The following SUSD1 variants were observed in gnomAD, a reference collection of about 807,000 sequenced individuals.
The protein encoded by SUSD1 is sushi domain containing 1, also known as sushi domain-containing protein 1.
SUSD1 carries 65 observed loss-of-function variants against 86.9 expected under a neutral mutation model. That is an observed-to-expected ratio of 0.75 (90% CI 0.61 to 0.92). The LOEUF (loss-of-function observed/expected upper bound fraction) is 0.92. Ranked by LOEUF, SUSD1 falls within the 40% of genes least tolerant of loss-of-function variation. The probability of loss-of-function intolerance (pLI) is 0.00; values close to 1 mark genes in which losing one functional copy is unlikely to be tolerated. For synonymous variants in SUSD1, 346 were observed against 350.0 expected, an observed-to-expected ratio of 0.99 and a Z score of 0.13; for missense variants, 850 against 929.7, an observed-to-expected ratio of 0.91 and a Z score of 1.11.
chr9:112,063,288 G>A (rs1375592216), intron 12 of SUSD1, among the ~76,000 whole-genome samples: 2 of 152,174 alleles, frequency 1.3e-5, no homozygotes, highest in East Asian at 1.9e-4. Flanking sequence ...GTTGCTGGGG[G>A]TGGAGGGGGC....
chr9:112,053,024 T>C (rs976421861), intron 14 of SUSD1, among the ~76,000 whole-genome samples: 32 of 152,196 alleles, frequency 2.1e-4, no homozygotes, highest in African/African-American at 7.2e-4. Context: ...CCTGTCATTA[T>C]GATATGCTTA....
At position 112,041,554 on chromosome 9, in the gene SUSD1, G is replaced by A. The variant is rs368964749; in HGVS notation, c.*-62C>T. 14 of 779,956 alleles carry A rather than the reference G, an allele frequency of 1.8e-5. No homozygotes were observed. The African/African-American group carries it at 2.4e-4, about 13-fold the overall frequency. 48.3% of individuals were successfully genotyped at this position (779,956 alleles called of 1,614,324 possible). ...GAACACACTTTGGTTTTCCCACTGT[G>A]CATCTCTATGCACAGCTCACACGCA... On this transcript the variant is annotated intron_variant, in intron 16 of 16. Transcript: ENST00000374270.
intron 8 of SUSD1, among the ~76,000 whole-genome samples, chr9:112,107,765 A>G (rs1830915233): frequency 6.6e-6 from 1 of 152,248 alleles, no homozygotes; most frequent in South Asian, 2.1e-4. Flanking sequence ...GAAAGAATCT[A>G]TAATAAAGAT....
At chr9:112,112,093 T>C (rs1455502117) in intron 7 of SUSD1, 5 of 363,630 alleles carry the variant, frequency 1.4e-5, no homozygotes, top group Non-Finnish European at 2.5e-5. Flanking sequence ...TGGAGACAAT[T>C]GCAACCTGAG....
Position 112,058,470 on chromosome 9 carries a change from ACTCC to A in SUSD1, c.2063_2066del (p.Gly688ValfsTer16). On this transcript the variant is annotated frameshift_variant, in exon 14 of 17. Coordinates refer to ENST00000374270, the MANE Select transcript of SUSD1 (RefSeq NM_022486.5). LOFTEE classifies it high-confidence loss of function. ...TGATTCGTAATATAATGCAGTAATC[ACTCC>A]CTCTTTTCAAGGGTGCATTATAATA... The A allele has an allele frequency of 6.2e-7, 1 of 1,614,052 alleles. No homozygotes were observed. The highest frequency in any genetic ancestry group is 8.5e-7 in the Non-Finnish European group (1 of 1,179,988).
chr9:112,050,894 T>C lies in SUSD1; in HGVS notation c.2149+1505A>G, dbSNP rs559160121. On this transcript the variant is annotated intron_variant, in intron 15 of 16. Transcript: ENST00000374270. ...AAGGCAATTTCCCCGCCTGGATAAC[T>C]CTTCCAAGGCAAAGGTTTAAGCTAT... is the stretch of plus-strand genomic sequence containing the variant. 1.3e-5 allele frequency among the ~76,000 whole-genome samples: 2 copies of C among 152,328 alleles called. 1 individual carries two copies. The highest frequency in any genetic ancestry group is 4.1e-4 in the South Asian group (2 of 4,824).
At chr9:112,171,199 T>C (rs1834032246) in intron 1 of SUSD1, among the ~76,000 whole-genome samples, 1 of 152,162 alleles carries the variant, frequency 6.6e-6, no homozygotes, top group Non-Finnish European at 1.5e-5. Context: ...ATGGGATGCA[T>C]GCTGCTAGAA....
At chr9:112,070,740 G>A (rs1685137551) in intron 12 of SUSD1, among the ~76,000 whole-genome samples, 1 of 152,086 alleles carries the variant, frequency 6.6e-6, no homozygotes, top group South Asian at 2.1e-4. Context: ...AATATTAAAT[G>A]TATCATAAAA....
intron 15 of SUSD1, among the ~76,000 whole-genome samples, chr9:112,045,576 C>T (rs1380023362): frequency 1.3e-5 from 2 of 152,096 alleles, no homozygotes; most frequent in African/African-American, 2.4e-5. Context: ...AGCAATCTGA[C>T]CTAATCTGCT....
At position 112,171,400 on chromosome 9, in the gene SUSD1, A is replaced by G. The variant is rs564805837; in HGVS notation, c.103+3733T>C. Among the ~76,000 whole-genome samples, 12 of 152,280 alleles carry G rather than the reference A, an allele frequency of 7.9e-5. No individual in the cohort carries two copies. The South Asian group carries it at 2.5e-3, about 32-fold the overall frequency. ...ATTCTTGTTTGGATGGTATTCATTTATTTGCCTACCAGATTCCTAATACAA... is the reference window on the plus strand; with the variant it reads ...ATTCTTGTTTGGATGGTATTCATTTGTTTGCCTACCAGATTCCTAATACAA... On this transcript the variant is annotated intron_variant, in intron 1 of 16. Coordinates refer to ENST00000374270, the MANE Select transcript of SUSD1 (RefSeq NM_022486.5).
At chr9:112,053,203 T>A (rs548626793) in intron 14 of SUSD1, among the ~76,000 whole-genome samples, 18 of 151,938 alleles carry the variant, frequency 1.2e-4, no homozygotes, top group South Asian at 2.1e-4. Flanking sequence ...ATTTTTTTTT[T>A]AATTTAAGCT....
chr9:112,107,202 C>G (rs1830880253), intron 8 of SUSD1, among the ~76,000 whole-genome samples: 1 of 148,112 alleles, frequency 6.8e-6, no homozygotes, highest in African/African-American at 2.5e-5. Flanking sequence ...CTGCAGTGAG[C>G]CATGGTTGCA....
At chr9:112,112,356 C>T (rs574000083) in intron 7 of SUSD1, among the ~76,000 whole-genome samples, 1 of 152,262 alleles carries the variant, frequency 6.6e-6, no homozygotes, top group African/African-American at 2.4e-5. Flanking sequence ...AGATTGAGGC[C>T]AGGCGCGGTG....
intron 11 of SUSD1, 145 bp from the exon 12 acceptor site, chr9:112,078,869 A>C: frequency 1.6e-6 from 1 of 643,950 alleles, no homozygotes; most frequent in Non-Finnish European, 2.5e-6. Flanking sequence ...GCTGGAGTGC[A>C]GTGGCATGAC....
At chr9:112,106,171 G>C (rs1293305100) in intron 8 of SUSD1, among the ~76,000 whole-genome samples, 2 of 152,002 alleles carry the variant, frequency 1.3e-5, no homozygotes. Flanking sequence ...TGTACTTTTA[G>C]TAGAGACAGG....
At chr9:112,141,943 T>TAC (rs1423371569) in intron 5 of SUSD1, among the ~76,000 whole-genome samples, 1 of 142,538 alleles carries the variant, frequency 7.0e-6, no homozygotes. Context: ...TATATATATA[T>TAC]ACACCTAACA....
intron 4 of SUSD1, 99 bp from the exon 5 acceptor site, chr9:112,142,598 C>T: frequency 8.8e-7 from 1 of 1,133,414 alleles, no homozygotes; most frequent in Non-Finnish European, 1.2e-6. Context: ...CACACACACA[C>T]CCCCGAGCCA....
intron 2 of SUSD1, among the ~76,000 whole-genome samples, chr9:112,154,487 T>C (rs1011208061): frequency 2.0e-5 from 3 of 152,102 alleles, no homozygotes; most frequent in African/African-American, 7.2e-5. Flanking sequence ...CACTCCAGCC[T>C]GGACAACAGA....
At chr9:112,115,113 G>A (rs1004626230) in intron 6 of SUSD1, among the ~76,000 whole-genome samples, 8 of 152,132 alleles carry the variant, frequency 5.3e-5, no homozygotes, top group Non-Finnish European at 1.2e-4. Flanking sequence ...CTCAGCTCCC[G>A]TTTCTCCCTT....
Sources: gnomAD v4.1 joint callset for allele counts (sites outside exome capture counted in the v4.1 genomes callset) on GRCh38, gnomAD v4.1.1 for gene constraint, MANE v1.5 for transcripts, NCBI Gene and HGNC (gene_info 2026-07-23, HGNC 2026-07-21) for gene names.